Variants in MYO5A observed in about 807,000 individuals in gnomAD.
The protein encoded by MYO5A is unconventional myosin-Va.
MYO5A carries 98 observed loss-of-function variants against 249.7 expected under a neutral mutation model. The observed-to-expected ratio is 0.39, with a 90% CI of 0.33 to 0.46. The LOEUF (loss-of-function observed/expected upper bound fraction) is 0.46. Ranked by LOEUF, MYO5A falls within the 20% of genes least tolerant of loss-of-function variation. The pLI is 0.98. For synonymous variants in MYO5A, 778 were observed against 810.6 expected, an observed-to-expected ratio of 0.96 and a Z score of 0.68; for missense variants, 1,696 against 2,308.8, an observed-to-expected ratio of 0.73 and a Z score of 5.44.
chr15:52,328,800 C>T (rs34855483), intron 35 of MYO5A, among the ~76,000 whole-genome samples: 6,759 of 152,310 alleles, frequency 0.044, 225 homozygotes, highest in South Asian at 0.14. Context: ...GCTCACTCTG[C>T]TCCAAATGGG....
At chr15:52,423,025 T>G (rs866604825) in intron 4 of MYO5A, among the ~76,000 whole-genome samples, 2 of 152,192 alleles carry the variant, frequency 1.3e-5, no homozygotes, top group African/African-American at 4.8e-5. Context: ...GCCCAGCTAA[T>G]AGTTTTATTG....
At chr15:52,320,937 C>T (rs560760968) in intron 38 of MYO5A, among the ~76,000 whole-genome samples, 4 of 151,274 alleles carry the variant, frequency 2.6e-5, no homozygotes, top group African/African-American at 9.7e-5. Context: ...GGCGTGAACC[C>T]GGGAGGCAGA....
chr15:52,438,189 C>T (rs2075707069), intron 1 of MYO5A: 2 of 305,762 alleles, frequency 6.5e-6, no homozygotes, highest in Admixed American at 6.7e-5. Flanking sequence ...TCATCACTTC[C>T]AACCCTGCCT....
chr15:52,370,447 T>G (rs1161058426), intron 21 of MYO5A, 30 bp from the exon 22 acceptor site: 2 of 1,570,904 alleles, frequency 1.3e-6, no homozygotes, highest in South Asian at 1.1e-5. Flanking sequence ...TAACAATAAG[T>G]AAATACACAT....
intron 11 of MYO5A, among the ~76,000 whole-genome samples, chr15:52,392,509 G>C (rs1035574956): frequency 3.3e-5 from 5 of 152,196 alleles, no homozygotes; most frequent in Admixed American, 6.5e-5. Context: ...CTTCTCCTAA[G>C]GGACTGTGGT....
At position 52,348,831 on chromosome 15, in the gene MYO5A, G is replaced by T. The variant is rs756791541; in HGVS notation, c.3850-5C>A. On this transcript the variant is annotated splice_region_variant and splice_polypyrimidine_tract_variant and intron_variant, in intron 28 of 41. Coordinates refer to ENST00000399233, the MANE Select transcript of MYO5A (RefSeq NM_001382347.1). ...AGGTATAATTACCTTGTCATCCTGAGAATCACAAGTCAGCAAGCACAAAAA... is the reference window on the plus strand; with the variant it reads ...AGGTATAATTACCTTGTCATCCTGATAATCACAAGTCAGCAAGCACAAAAA... The T allele has an allele frequency of 6.3e-7, 1 of 1,588,018 alleles. No individual in the cohort carries two copies. Among genetic ancestry groups the T allele is most frequent in the Non-Finnish European group, 8.6e-7 (1 of 1,168,496 alleles).
intron 21 of MYO5A, among the ~76,000 whole-genome samples, chr15:52,370,875 G>A (rs1238473593): frequency 6.6e-6 from 1 of 152,150 alleles, no homozygotes; most frequent in African/African-American, 2.4e-5. Flanking sequence ...CACTTTGGGA[G>A]GCCAAGGCAG....
chr15:52,346,613 C>T (rs1215728277), intron 29 of MYO5A, 152 bp from the exon 30 acceptor site: 26 of 698,508 alleles, frequency 3.7e-5, no homozygotes, highest in Non-Finnish European at 5.5e-5. Context: ...CATGTAACTG[C>T]AGAGGGGAGT....
chr15:52,402,313 G>A (rs950556270), intron 9 of MYO5A, among the ~76,000 whole-genome samples: 2 of 152,144 alleles, frequency 1.3e-5, no homozygotes, highest in African/African-American at 4.8e-5. Flanking sequence ...GTGTGGGTCA[G>A]GTTAAGTTTT....
chr15:52,315,168 G>C (rs74731243), intron 40 of MYO5A, among the ~76,000 whole-genome samples: 16 of 152,296 alleles, frequency 1.1e-4, no homozygotes, highest in Admixed American at 9.8e-4. Flanking sequence ...TATGCTTAAA[G>C]TATATTTAAG....
chr15:52,432,007 A>G (rs544740144), intron 2 of MYO5A, among the ~76,000 whole-genome samples: 8 of 152,302 alleles, frequency 5.3e-5, no homozygotes, highest in Admixed American at 2.0e-4. Context: ...AAAGGACCCA[A>G]TCTAAGAGAG....
chr15:52,524,762 C>T (rs903406885), intron 1 of MYO5A, among the ~76,000 whole-genome samples: 9 of 150,976 alleles, frequency 6.0e-5, no homozygotes, highest in African/African-American at 1.2e-4. Flanking sequence ...CAGCTACTCA[C>T]GAGGCTGAGG....
At chr15:52,329,452 A>G (rs1485224865) in intron 35 of MYO5A, among the ~76,000 whole-genome samples, 3 of 152,152 alleles carry the variant, frequency 2.0e-5, no homozygotes, top group Admixed American at 2.0e-4. Flanking sequence ...ATCATTTACC[A>G]CCACCCTCTA....
chr15:52,354,070 A>C, intron 25 of MYO5A, 56 bp from the exon 26 acceptor site: 1 of 1,602,620 alleles, frequency 6.2e-7, no homozygotes, highest in East Asian at 2.2e-5. Context: ...ATAAAAGCCA[A>C]TGAGAAAATG....
At chr15:52,370,098 C>G in intron 22 of MYO5A, 71 bp downstream of exon 22, 5 of 1,591,284 alleles carry the variant, frequency 3.1e-6, no homozygotes, top group Non-Finnish European at 4.3e-6. Context: ...GTGAGTCACA[C>G]GGACCAAGTC....
chr15:52,523,988 T>G (rs1289485333), intron 1 of MYO5A, among the ~76,000 whole-genome samples: 1 of 152,240 alleles, frequency 6.6e-6, no homozygotes, highest in Non-Finnish European at 1.5e-5. Flanking sequence ...AATATAAAAG[T>G]GGATCTATCC....
At chr15:52,423,452 T>C (rs1436035595) in intron 4 of MYO5A, among the ~76,000 whole-genome samples, 3 of 151,748 alleles carry the variant, frequency 2.0e-5, no homozygotes, top group Admixed American at 6.6e-5. Flanking sequence ...CTCGGGAGGC[T>C]GAGGCAGGAG....
At chr15:52,454,583 C>T (rs80179624) in intron 1 of MYO5A, among the ~76,000 whole-genome samples, 11,660 of 152,056 alleles carry the variant, frequency 0.077, 597 homozygotes, top group Middle Eastern at 0.15. Context: ...AAATATTCTC[C>T]AGAATAGAAC....
At chr15:52,497,346 G>A (rs894725245) in intron 1 of MYO5A, among the ~76,000 whole-genome samples, 2 of 151,890 alleles carry the variant, frequency 1.3e-5, no homozygotes, top group African/African-American at 2.4e-5. Flanking sequence ...AAAAATATAC[G>A]CAGATATTCA....
Sources: allele counts gnomAD v4.1 joint callset (sites outside exome capture counted in the v4.1 genomes callset), GRCh38; gene constraint gnomAD v4.1.1; transcripts MANE v1.5; gene names NCBI Gene and HGNC (gene_info 2026-07-23, HGNC 2026-07-21).